Variants in TTN observed in about 807,000 individuals in gnomAD.
TTN encodes connectin.
A neutral mutation model predicts 3,223.0 loss-of-function variants in TTN; 1,525 were observed. The ratio of observed to expected loss-of-function variants is 0.47; its 90% CI spans 0.45 to 0.49. The LOEUF (loss-of-function observed/expected upper bound fraction) is 0.49. Among genes scored for constraint, TTN ranks in the 20% least tolerant of loss-of-function variants. TTN has a pLI of 0.00. For synonymous variants in TTN, 14,094 were observed against 15,161.0 expected, an observed-to-expected ratio of 0.93 and a Z score of 5.17; for missense variants, 40,786 against 43,424.0, an observed-to-expected ratio of 0.94 and a Z score of 5.40.
At position 178,793,455 on chromosome 2, in the gene TTN, G is replaced by A; in HGVS notation, c.1485C>T (p.Thr495=). ...KAKEQELKSR[T]KEVITTKQEQ... The stretch of plus-strand genomic sequence containing the variant: ...CTTGCTTTGTGGTAATTACTTCTTT[G>A]GTTCTTGATTTTAATTCTTGTTCCT... The change falls in exon 9 of 363, where the codon ACC becomes ACT. Residue 495 remains threonine, a synonymous_variant. Coordinates refer to ENST00000589042, the MANE Select transcript of TTN (RefSeq NM_001267550.2). The A allele has an allele frequency of 1.2e-6, 2 of 1,614,028 alleles. No individual in the cohort carries two copies. Among genetic ancestry groups the A allele is most frequent in the African/African-American group, 1.3e-5 (1 of 75,004 alleles).
At chr2:178,613,621 G>T in intron 263 of TTN, 130 bp downstream of exon 263, 1 of 932,442 alleles carries the variant, frequency 1.1e-6, no homozygotes, top group Non-Finnish European at 1.5e-6. Context: ...TGAGGTAATA[G>T]AAAATATGAG....
chr2:178,573,413 A>G lies in TTN; in HGVS notation c.72719T>C (p.Val24240Ala). Reference sequence around the variant, plus strand: ...AGAATCAGGATGTCCCCAGCAGACAACCATCGAATCTTTAGTAATAGTTGT... The same window carrying G: ...AGAATCAGGATGTCCCCAGCAGACAGCCATCGAATCTTTAGTAATAGTTGT... ...EVTTITKDSM[V>A]VCWGHPDSDG... is the part of the protein sequence containing the mutation. Residue 24240 changes from valine (V) to alanine (A), a missense_variant, in exon 326 of 363, where the codon GTT (valine) becomes GCT (alanine). Transcript: ENST00000589042. The G allele has an allele frequency of 6.6e-7, 1 of 1,520,656 alleles. No individual in the cohort carries two copies. Among genetic ancestry groups the G allele is most frequent in the Non-Finnish European group, 8.8e-7 (1 of 1,136,932 alleles). The allele number at this position is 1,520,656 out of a possible 1,614,324, so 94.2% of individuals were successfully genotyped here.
At position 178,545,312 on chromosome 2, in the gene TTN, G is replaced by C; in HGVS notation, c.95722+76C>G. The C allele has an allele frequency of 1.5e-6, 2 of 1,372,302 alleles. 1 individual carries two copies. The allele number at this position is 1,372,302 out of a possible 1,614,324, so 85.0% of individuals were successfully genotyped here. ...CATTCATAAATTCTAAAAATTCTTA[G>C]AGATTGTGTGTTGGAAAATTATCTG... On this transcript the variant is annotated intron_variant, in intron 344 of 362. Transcript: ENST00000589042.
Position 178,773,320 on chromosome 2 carries a change from T to G in TTN, c.7644A>C (p.Gln2548His). 1 of 1,614,000 alleles carries G rather than the reference T, an allele frequency of 6.2e-7. No individual in the cohort carries two copies. Among genetic ancestry groups the G allele is most frequent in the Non-Finnish European group, 8.5e-7 (1 of 1,179,960 alleles). ...GLRDLTCTET[Q>H]NVVFEVELSH... is the part of the protein sequence containing the mutation. ...ACAGCTCAACCTCAAACACCACATT[T>G]TGAGTTTCTGTACAGGTAAGGTCAC... The change falls in exon 33 of 363, where the codon CAA (glutamine) becomes CAC (histidine). Residue 2548 changes from glutamine (Q) to histidine (H), a missense_variant. Physicochemically the swap from Gln to His is conservative, Grantham distance 24. Coordinates refer to ENST00000589042, the MANE Select transcript of TTN (RefSeq NM_001267550.2).
intron 190 of TTN, 23 bp downstream of exon 190, chr2:178,654,889 C>T (rs1171886444): frequency 5.7e-6 from 3 of 524,934 alleles, no homozygotes; most frequent in Non-Finnish European, 9.2e-6. Context: ...CAATATCAAA[C>T]ACAGCAACAA....
rs927638747 is a variant in TTN at position 178,694,674 on chromosome 2, G to A, written c.31351C>T (p.Pro10451Ser). The change falls in exon 117 of 363, where the codon CCT (proline) becomes TCT (serine). Residue 10451 changes from proline (P) to serine (S), a missense_variant and splice_region_variant. By Grantham distance (74) the Pro-to-Ser change is moderately conservative (BLOSUM62 -1). Coordinates refer to ENST00000589042, the MANE Select transcript of TTN (RefSeq NM_001267550.2). ...EEEKVQVTKV[P>S]EVSKKIVPQK... is the part of the protein sequence containing the mutation. ...GGAACAATCTTCTTTGAAACTTCAG[G>A]TACTTTAAAAATATGTACAAATATA... 60 of 1,547,576 alleles carry A rather than the reference G, an allele frequency of 3.9e-5. No individual in the cohort carries two copies. The highest frequency in any genetic ancestry group is 5.1e-5 in the Non-Finnish European group (59 of 1,145,658).
At position 178,677,584 on chromosome 2, in the gene TTN, A is replaced by G. The variant is rs373627604; in HGVS notation, c.34291+37T>C. 1.0e-5 allele frequency: 16 copies of G among 1,564,932 alleles called. No homozygotes were observed. In the African/African-American group the frequency reaches 1.5e-4, roughly 15 times the overall value. On this transcript the variant is annotated intron_variant, in intron 146 of 362. Coordinates refer to ENST00000589042, the MANE Select transcript of TTN (RefSeq NM_001267550.2). ...GGATGGGAAAGCAGAATTCAACACA[A>G]AAGAGGCCTTGATGATTCCAAGAAG...
Position 178,724,083 on chromosome 2 carries a change from G to A in TTN, c.21176C>T (p.Ala7059Val), listed in dbSNP as rs2078912559. Reference sequence around the variant, plus strand: ...TACTTTGCATTCCAAGATGCAAGAAGCACCTAACACCCCACCAGTATTTTT... The same window carrying A: ...TACTTTGCATTCCAAGATGCAAGAAACACCTAACACCCCACCAGTATTTTT... Reference protein sequence around the residue: ...RLKNTGGVLGASCILECKVAG... With the variant: ...RLKNTGGVLGVSCILECKVAG... Residue 7059 changes from alanine (A) to valine (V), a missense_variant, in exon 73 of 363, where the codon GCT becomes GTT. Coordinates refer to ENST00000589042, the MANE Select transcript of TTN (RefSeq NM_001267550.2). The A allele has an allele frequency of 2.5e-6, 4 of 1,613,434 alleles. No homozygotes were observed. In the East Asian group the frequency reaches 8.9e-5, roughly 36 times the overall value.
chr2:178,722,957 A>G lies in TTN; in HGVS notation c.21962-20T>C, dbSNP rs771973782. The G allele has an allele frequency of 6.2e-7, 1 of 1,600,856 alleles. No individual in the cohort carries two copies. The highest frequency in any genetic ancestry group is 1.1e-5 in the South Asian group (1 of 88,628). On this transcript the variant is annotated intron_variant, in intron 75 of 362. Transcript: ENST00000589042. Reference sequence around the variant, plus strand: ...GCGGTTCTAAGGAAGAAAGGCTCACAGTTAGCAACTGGAATTAATGAATAT... The same window carrying G: ...GCGGTTCTAAGGAAGAAAGGCTCACGGTTAGCAACTGGAATTAATGAATAT...
chr2:178,573,120 A>G lies in TTN; in HGVS notation c.73012T>C (p.Ser24338Pro). The change falls in exon 326 of 363, where the codon TCA (serine) becomes CCA (proline). Residue 24338 changes from serine (S) to proline (P), a missense_variant. Physicochemically the swap from Ser to Pro is moderately conservative, Grantham distance 74. Transcript: ENST00000589042. The part of the protein sequence containing the change: ...GNPRVLDTSR[S>P]SISIAWNKPI... ...TTATTCCAAGCGATTGAAATGGATG[A>G]TCTGCTTGTATCCAGAACACGTGGG... is the stretch of plus-strand genomic sequence containing the variant. The G allele has an allele frequency of 2.5e-6, 4 of 1,613,290 alleles. No individual in the cohort carries two copies. Among genetic ancestry groups the G allele is most frequent in the Non-Finnish European group, 2.5e-6 (3 of 1,179,550 alleles).
rs397517675 is a variant in TTN at position 178,578,668 on chromosome 2, C to T, written c.68272G>A (p.Asp22758Asn). ...TCAGTCCAAGTTAGAGATACTGAATCGTGTCTGACATCCACAATATTGGGA... is the reference window on the plus strand; with the variant it reads ...TCAGTCCAAGTTAGAGATACTGAATTGTGTCTGACATCCACAATATTGGGA... ...PPPNIVDVRH[D>N]SVSLTWTDPK... The change falls in exon 321 of 363, where the codon GAT becomes AAT. Residue 22758 changes from aspartate (D) to asparagine (N), a missense_variant. Coordinates refer to ENST00000589042, the MANE Select transcript of TTN (RefSeq NM_001267550.2). 1.4e-5 allele frequency: 22 copies of T among 1,611,882 alleles called. No individual in the cohort carries two copies. The highest frequency in any genetic ancestry group is 4.4e-5 in the South Asian group (4 of 90,692).
Position 178,731,431 on chromosome 2 carries a change from T to G in TTN, c.17335A>C (p.Thr5779Pro), listed in dbSNP as rs771202533. The change falls in exon 59 of 363, where the codon ACC (threonine) becomes CCC (proline). Residue 5779 changes from threonine (T) to proline (P), a missense_variant. Physicochemically the swap from Thr to Pro is conservative, Grantham distance 38. Transcript: ENST00000589042. Reference protein sequence around the residue: ...EITEDDNIRMTFENNVASLYL... With the variant: ...EITEDDNIRMPFENNVASLYL... ...AAACTGGCCACATTGTTCTCAAAGG[T>G]CATTCTTATATTATCGTCTTCAGTG... is the stretch of plus-strand genomic sequence containing the variant. The G allele has an allele frequency of 1.2e-6, 2 of 1,613,726 alleles. No homozygotes were observed. Among genetic ancestry groups the G allele is most frequent in the Non-Finnish European group, 1.7e-6 (2 of 1,179,774 alleles).
At position 178,546,347 on chromosome 2, in the gene TTN, C is replaced by G; in HGVS notation, c.94984G>C (p.Val31662Leu). 6.2e-7 allele frequency: 1 copy of G among 1,613,772 alleles called. No individual in the cohort carries two copies. The highest frequency in any genetic ancestry group is 8.5e-7 in the Non-Finnish European group (1 of 1,179,770). Residue 31662 changes from valine to leucine, a missense_variant, in exon 342 of 363, where the codon GTC becomes CTC. Coordinates refer to ENST00000589042, the MANE Select transcript of TTN (RefSeq NM_001267550.2). Reference protein sequence around the residue: ...GDKELDLCEKVSLQYTGKRAT... With the variant: ...GDKELDLCEKLSLQYTGKRAT... Reference sequence around the variant, plus strand: ...CGTTTGCCAGTATACTGCAAAGAGACTTTTTCACAGAGATCTAGCTCCTTG... The same window carrying G: ...CGTTTGCCAGTATACTGCAAAGAGAGTTTTTCACAGAGATCTAGCTCCTTG...
chr2:178,711,833 C>CAG (rs1212926519), intron 96 of TTN, 111 bp downstream of exon 96: 2 of 1,312,680 alleles, frequency 1.5e-6, no homozygotes, highest in African/African-American at 3.0e-5. Context: ...ATTACTTAAG[C>CAG]AGAATTTTAA....
At position 178,532,778 on chromosome 2, in the gene TTN, C is replaced by G. The variant is rs1689743314; in HGVS notation, c.103837G>C (p.Asp34613His). 1 of 1,613,966 alleles carries G rather than the reference C, an allele frequency of 6.2e-7. No homozygotes were observed. Among genetic ancestry groups the G allele is most frequent in the Non-Finnish European group, 8.5e-7 (1 of 1,179,874 alleles). Residue 34613 changes from aspartate to histidine, a missense_variant, in exon 358 of 363, where the codon GAT becomes CAT. Coordinates refer to ENST00000589042, the MANE Select transcript of TTN (RefSeq NM_001267550.2). ...FYVMPLPRITDQYRPKWRIPK... is the reference protein window; with the variant it reads ...FYVMPLPRITHQYRPKWRIPK... ...ATACGCCATTTAGGTCTGTATTGAT[C>G]TGTAATGCGTGGAAGAGGCATCACA...
rs968338700 is a variant in TTN at position 178,758,644 on chromosome 2, T to G, written c.10303+340A>C. ...ATGTTTTTAAAATTTAATTTTTATC[T>G]TAGCCAATTGAGAAAACAAATCTAC... On this transcript the variant is annotated intron_variant, in intron 44 of 362. Coordinates refer to ENST00000589042, the MANE Select transcript of TTN (RefSeq NM_001267550.2). 2.8e-5 allele frequency: 9 copies of G among 319,082 alleles called. No homozygotes were observed. In the South Asian group the frequency reaches 3.1e-4, roughly 11 times the overall value. 19.8% of individuals were successfully genotyped at this position (319,082 alleles called of 1,614,324 possible). A position where few individuals can be genotyped will look rare whatever the true frequency, so the allele number is the denominator to read the frequency against.
At chr2:178,783,669 T>C in intron 17 of TTN, 51 bp downstream of exon 17, 3 of 1,439,802 alleles carry the variant, frequency 2.1e-6, no homozygotes, top group Non-Finnish European at 2.9e-6. Flanking sequence ...TGTATTAAAA[T>C]GATTTGAGGA....
chr2:178,771,067 G>A, intron 34 of TTN, 144 bp downstream of exon 34: 2 of 1,330,106 alleles, frequency 1.5e-6, no homozygotes, highest in African/African-American at 1.5e-5. Flanking sequence ...TGTGGAATGT[G>A]TCTCAGGAAG....
In TTN at chr2:178,770,047, G is replaced by T. The variant is rs774882139; in HGVS notation, c.8641+13C>A. 1 of 1,614,144 alleles carries T rather than the reference G, an allele frequency of 6.2e-7. No homozygotes were observed. Among genetic ancestry groups the T allele is most frequent in the Admixed American group, 1.7e-5 (1 of 60,000 alleles). On this transcript the variant is annotated intron_variant, in intron 36 of 362. Transcript: ENST00000589042. ...ATTAAGGAAAGGGCTGTAGGGGGCT[G>T]CCTGATACTTACTCTCCACAAACAG...
Sources: allele counts gnomAD v4.1 joint callset, GRCh38; gene constraint gnomAD v4.1.1; transcripts MANE v1.5; gene names NCBI Gene and HGNC (gene_info 2026-07-23, HGNC 2026-07-21).